The following GREB1L variants were observed in gnomAD, a reference collection of about 807,000 sequenced individuals.
The protein encoded by GREB1L is GREB1 like retinoic acid receptor coactivator.
A neutral mutation model predicts 200.8 loss-of-function variants in GREB1L; 17 were observed. The observed-to-expected ratio is 0.08, with a 90% CI of 0.06 to 0.13. The LOEUF is 0.13. GREB1L is among the 10% of genes least tolerant of loss of function. The pLI, the probability that GREB1L is intolerant of heterozygous loss-of-function variation, is 1.00. For synonymous variants in GREB1L, 789 were observed against 893.0 expected (o/e 0.88, Z 2.08); for missense variants, 1,657 against 2,367.7 (o/e 0.70, Z 6.23).
intron 1 of GREB1L, among the ~76,000 whole-genome samples, chr18:21,342,601 C>T (rs1334224511): frequency 3.9e-5 from 6 of 152,154 alleles, no homozygotes; most frequent in Admixed American, 2.0e-4. Flanking sequence ...ACGCTCACTG[C>T]TTCCTTTGGT....
rs368079274 is a variant in GREB1L at position 21,413,110 on chromosome 18, T to C, written c.832+9116T>C. Among the ~76,000 whole-genome samples the C allele has an allele frequency of 5.3e-5, 8 of 152,276 alleles. No homozygotes were observed. The East Asian group carries it at 1.2e-3, about 22-fold the overall frequency. ...GTCCAACACTTTTCCTTCCCCGTCC[T>C]CCACCATGGCCTCCTTTCCTTTGCC... On this transcript the variant is annotated intron_variant, in intron 7 of 32. Transcript: ENST00000424526.
intron 1 of GREB1L, among the ~76,000 whole-genome samples, chr18:21,362,264 T>C (rs1437140930): frequency 6.6e-6 from 1 of 152,158 alleles, no homozygotes; most frequent in African/African-American, 2.4e-5. Flanking sequence ...TTGATTTATA[T>C]AAGTTGAAAT....
At chr18:21,362,114 G>T (rs1227980288) in intron 1 of GREB1L, among the ~76,000 whole-genome samples, 2 of 151,220 alleles carry the variant, frequency 1.3e-5, no homozygotes, top group African/African-American at 4.9e-5. Flanking sequence ...TTATTATTTT[G>T]TATGTATTCT....
At chr18:21,520,989 G>A (rs985855324) in intron 32 of GREB1L, among the ~76,000 whole-genome samples, 166 bp downstream of exon 32, 1 of 152,086 alleles carries the variant, frequency 6.6e-6, no homozygotes, top group Non-Finnish European at 1.5e-5. Context: ...GAGGTCAGGA[G>A]ATCGAGACCA....
chr18:21,399,268 A>G (rs768892643), intron 5 of GREB1L, among the ~76,000 whole-genome samples: 4 of 152,132 alleles, frequency 2.6e-5, no homozygotes, highest in Non-Finnish European at 4.4e-5. Context: ...TGGCATATCT[A>G]CTTCACAGGT....
At chr18:21,254,289 C>G (rs1271652899) in intron 1 of GREB1L, among the ~76,000 whole-genome samples, 1 of 151,820 alleles carries the variant, frequency 6.6e-6, no homozygotes, top group Non-Finnish European at 1.5e-5. Flanking sequence ...AGGCTGGTCT[C>G]GAACTCCTTT....
chr18:21,454,652 G>A lies in GREB1L; in HGVS notation c.2182+89G>A, dbSNP rs749114343. 4 of 1,016,910 alleles carry A rather than the reference G, an allele frequency of 3.9e-6. 1 individual carries two copies. In the South Asian group the frequency reaches 5.5e-5, roughly 14 times the overall value. 63.0% of individuals were successfully genotyped at this position (1,016,910 alleles called of 1,614,324 possible). A position where few individuals can be genotyped will look rare whatever the true frequency, so the allele number is the denominator to read the frequency against. ...CTTTTGCTTAATCCAAACGTCTAGA[G>A]GATGCTTAAAACCTTCTTCAGTAAT... On this transcript the variant is annotated intron_variant, in intron 15 of 32. Transcript: ENST00000424526.
intron 15 of GREB1L, among the ~76,000 whole-genome samples, chr18:21,464,226 A>G (rs1324996828): frequency 6.6e-6 from 1 of 152,168 alleles, no homozygotes; most frequent in African/African-American, 2.4e-5. Context: ...TACTAAAGCC[A>G]TTGAATAAAA....
At chr18:21,250,429 A>T (rs1276321029) in intron 1 of GREB1L, among the ~76,000 whole-genome samples, 5 of 152,016 alleles carry the variant, frequency 3.3e-5, no homozygotes, top group East Asian at 1.9e-4. Context: ...ATGTGCATTT[A>T]AAAAAAATGT....
At chr18:21,507,376 A>G (rs994285397) in intron 25 of GREB1L, among the ~76,000 whole-genome samples, 18 of 152,324 alleles carry the variant, frequency 1.2e-4, no homozygotes, top group Admixed American at 9.2e-4. Context: ...TCTATGAAAT[A>G]TAGTATTTTG....
chr18:21,469,929 T>G (rs2145652606), intron 15 of GREB1L, among the ~76,000 whole-genome samples: 1 of 152,336 alleles, frequency 6.6e-6, no homozygotes, highest in Middle Eastern at 3.4e-3. Flanking sequence ...CAGAACTATC[T>G]TGACTCTTTT....
intron 7 of GREB1L, among the ~76,000 whole-genome samples, chr18:21,416,083 A>C (rs1391929444): frequency 6.6e-6 from 1 of 152,226 alleles, no homozygotes; most frequent in Admixed American, 6.5e-5. Context: ...TTATAACTAT[A>C]TTTCATATCT....
At chr18:21,429,310 C>T (rs1289869462) in intron 7 of GREB1L, among the ~76,000 whole-genome samples, 2 of 133,288 alleles carry the variant, frequency 1.5e-5, no homozygotes, top group Non-Finnish European at 3.2e-5. Flanking sequence ...CTCCTCTCCT[C>T]TCCTCTCCTC....
At chr18:21,460,920 A>G (rs931328324) in intron 15 of GREB1L, among the ~76,000 whole-genome samples, 1 of 151,638 alleles carries the variant, frequency 6.6e-6, no homozygotes, top group African/African-American at 2.4e-5. Context: ...AACATAGTGA[A>G]ACCCTGTCTC....
chr18:21,444,137 G>A lies in GREB1L; in HGVS notation c.1208-87G>A, dbSNP rs976816645. ...CTCAGAGGGCAGGGAATTTTGTTAA[G>A]CAGCTTTGATCGTCGTTGAGCAAGT... On this transcript the variant is annotated intron_variant, in intron 10 of 32. Transcript: ENST00000424526. 1.5e-5 allele frequency: 13 copies of A among 892,316 alleles called. No individual in the cohort carries two copies. The African/African-American group carries it at 2.0e-4, about 14-fold the overall frequency. 55.3% of individuals were successfully genotyped at this position (892,316 alleles called of 1,614,324 possible).
intron 1 of GREB1L, among the ~76,000 whole-genome samples, chr18:21,244,473 G>A (rs974252838): frequency 2.0e-5 from 3 of 152,122 alleles, no homozygotes; most frequent in East Asian, 1.9e-4. Context: ...GCCACACGAC[G>A]TAACTTTTTT....
intron 2 of GREB1L, among the ~76,000 whole-genome samples, chr18:21,380,005 G>GTATT (rs2040237972): frequency 6.6e-6 from 1 of 152,060 alleles, no homozygotes; most frequent in Admixed American, 6.6e-5. Flanking sequence ...TACATTTTGA[G>GTATT]TATAAACTTT....
chr18:21,443,250 G>A (rs1049615378), intron 10 of GREB1L, among the ~76,000 whole-genome samples: 10 of 150,484 alleles, frequency 6.6e-5, no homozygotes, highest in African/African-American at 1.2e-4. Flanking sequence ...TGGCTCAGGC[G>A]GGAGTGCAGT....
chr18:21,473,445 C>A (rs181346178), intron 16 of GREB1L, among the ~76,000 whole-genome samples: 42 of 151,816 alleles, frequency 2.8e-4, no homozygotes, highest in African/African-American at 9.4e-4. Context: ...TAGTGCATGC[C>A]TGTAATCCCA....
Sources: gnomAD v4.1 joint callset for allele counts (sites outside exome capture counted in the v4.1 genomes callset) on GRCh38, gnomAD v4.1.1 for gene constraint, MANE v1.5 for transcripts, NCBI Gene and HGNC (gene_info 2026-07-23, HGNC 2026-07-21) for gene names.